The following GC variants were observed in gnomAD, a reference collection of about 807,000 sequenced individuals.
The protein encoded by GC is vitamin D-binding protein.
A neutral mutation model predicts 56.7 loss-of-function variants in GC; 43 were observed. The ratio of observed to expected loss-of-function variants is 0.76; its 90% CI spans 0.59 to 0.98. The LOEUF (loss-of-function observed/expected upper bound fraction) is 0.98. Ranked by LOEUF, GC falls within the 50% of genes least tolerant of loss-of-function variation. The pLI, the probability that GC is intolerant of heterozygous loss-of-function variation, is 0.00. For synonymous variants in GC, 216 were observed against 202.7 expected (o/e 1.07, Z -0.56); for missense variants, 529 against 545.9 (o/e 0.97, Z 0.31).
intron 1 of GC, among the ~76,000 whole-genome samples, chr4:71,790,523 AT>A (rs1332151617): frequency 1.3e-5 from 2 of 150,538 alleles, no homozygotes; most frequent in Non-Finnish European, 3.0e-5. Context: ...CATTCTGATT[AT>A]TTTTTCATAT....
At chr4:71,766,649 G>A (rs548658594) in intron 3 of GC, among the ~76,000 whole-genome samples, 63 of 152,154 alleles carry the variant, frequency 4.1e-4, no homozygotes, top group African/African-American at 1.3e-3. Context: ...GAATGGCAAC[G>A]TGATGAATTA....
chr4:71,784,191 T>A, upstream of GC: 1 of 1,308,646 alleles, frequency 7.6e-7, no homozygotes, highest in East Asian at 3.0e-5. Flanking sequence ...AAGGGGCTGT[T>A]ATCTTTGGCC....
chr4:71,744,197 C>T (rs1229739699), intron 12 of GC, among the ~76,000 whole-genome samples: 2 of 151,244 alleles, frequency 1.3e-5, no homozygotes, highest in African/African-American at 4.9e-5. Context: ...AATCCCAGCA[C>T]TTCAGGAGGC....
chr4:71,771,082 T>G (rs1412565103), intron 1 of GC, among the ~76,000 whole-genome samples: 1 of 152,186 alleles, frequency 6.6e-6, no homozygotes, highest in Non-Finnish European at 1.5e-5. Flanking sequence ...ATGTAGGAAG[T>G]ATATAAATTG....
intron 1 of GC, among the ~76,000 whole-genome samples, chr4:71,772,535 G>A (rs1363979128): frequency 6.6e-6 from 1 of 152,144 alleles, no homozygotes; most frequent in African/African-American, 2.4e-5. Flanking sequence ...GGCACTGCAT[G>A]TTATCCCATT....
At chr4:71,765,334 T>G in intron 4 of GC, 98 bp downstream of exon 4, 1 of 905,542 alleles carries the variant, frequency 1.1e-6, no homozygotes, top group Non-Finnish European at 1.8e-6. Context: ...TTTGTTCAGG[T>G]TGCTGTAGAA....
At chr4:71,762,793 TC>T (rs1310351267) in intron 6 of GC, among the ~76,000 whole-genome samples, 2 of 152,166 alleles carry the variant, frequency 1.3e-5, no homozygotes, top group Non-Finnish European at 2.9e-5. Flanking sequence ...TGTGACTTGC[TC>T]CTCCTTGCCT....
upstream of GC, among the ~76,000 whole-genome samples, chr4:71,784,532 T>C (rs1261281007): frequency 6.6e-6 from 1 of 151,764 alleles, no homozygotes; most frequent in Non-Finnish European, 1.5e-5. Context: ...AGACCAGATG[T>C]TCTAAGTAAA....
At chr4:71,788,338 A>C (rs911099326), upstream of GC, among the ~76,000 whole-genome samples, 3 of 152,022 alleles carry the variant, frequency 2.0e-5, no homozygotes, top group East Asian at 5.8e-4. Flanking sequence ...CGGTTATAGA[A>C]ATATATTCCA....
chr4:71,747,964 A>G (rs1025284163), intron 11 of GC, among the ~76,000 whole-genome samples: 4 of 152,200 alleles, frequency 2.6e-5, no homozygotes, highest in African/African-American at 9.6e-5. Flanking sequence ...TTCAGTCAAT[A>G]GTCTTCTATC....
At chr4:71,763,767 A>G in intron 5 of GC, 37 bp downstream of exon 5, 3 of 1,551,002 alleles carry the variant, frequency 1.9e-6, no homozygotes, top group Non-Finnish European at 2.6e-6. Flanking sequence ...ATTAGAAGAA[A>G]AAAACGTAAA....
Position 71,756,836 on chromosome 4 carries a change from T to G in GC, c.910A>C (p.Thr304Pro). ...GTGCACACAAAAACGTCCATGGCTGTTTTTTCTTGACAACAGTCTTCAAAC... is the reference window on the plus strand; with the variant it reads ...GTGCACACAAAAACGTCCATGGCTGGTTTTTCTTGACAACAGTCTTCAAAC... ...SKFEDCCQEK[T>P]AMDVFVCTYF... The change falls in exon 8 of 13, where the codon ACA (threonine) becomes CCA (proline). Residue 304 changes from threonine (T) to proline (P), a missense_variant. Transcript: ENST00000273951. 1.2e-6 allele frequency: 2 copies of G among 1,613,404 alleles called. No homozygotes were observed.
Position 71,783,107 on chromosome 4 carries a change from C to G in GC, c.58+854G>C, listed in dbSNP as rs142811437. ...GGGAACACACATTTTATTCCACTGG[C>G]AAAACACATTACTATTATGAATAAT... On this transcript the variant is annotated intron_variant, in intron 1 of 12. Coordinates refer to ENST00000273951, the MANE Select transcript of GC (RefSeq NM_000583.4). Among the ~76,000 whole-genome samples, 477 of 151,810 alleles carry G rather than the reference C, an allele frequency of 3.1e-3. 1 individual carries two copies. Among genetic ancestry groups the G allele is most frequent in the Middle Eastern group, 0.01 (3 of 294 alleles).
At chr4:71,791,332 G>A (rs1742963106) in intron 1 of GC, among the ~76,000 whole-genome samples, 1 of 152,126 alleles carries the variant, frequency 6.6e-6, no homozygotes, top group Non-Finnish European at 1.5e-5. Flanking sequence ...GGAGTTGACA[G>A]TTATTCTTTT....
intron 8 of GC, among the ~76,000 whole-genome samples, chr4:71,755,749 AG>A (rs1398936990): frequency 6.6e-6 from 1 of 152,232 alleles, no homozygotes; most frequent in Non-Finnish European, 1.5e-5. Context: ...CTCTGTATAA[AG>A]CATCAAGTGG....
upstream of GC, chr4:71,804,138 G>A (rs1743310166): frequency 8.2e-6 from 5 of 606,422 alleles, no homozygotes; most frequent in Non-Finnish European, 1.2e-5. Flanking sequence ...GACCCTGGCT[G>A]AGCAATGGAT....
intron 1 of GC, among the ~76,000 whole-genome samples, chr4:71,795,447 A>G (rs1743074173): frequency 6.6e-6 from 1 of 152,110 alleles, no homozygotes; most frequent in Non-Finnish European, 1.5e-5. Context: ...TTATTGGTTT[A>G]AAATCTGTTT....
At chr4:71,762,281 TG>T (rs1560697368) in intron 6 of GC, among the ~76,000 whole-genome samples, 1 of 152,234 alleles carries the variant, frequency 6.6e-6, no homozygotes, top group African/African-American at 2.4e-5. Flanking sequence ...TGAACTTGCA[TG>T]GGGCCTGTAG....
chr4:71,770,899 G>A (rs1392311809), intron 1 of GC, among the ~76,000 whole-genome samples: 3 of 152,122 alleles, frequency 2.0e-5, no homozygotes, highest in Non-Finnish European at 4.4e-5. Flanking sequence ...GTTCATTCAC[G>A]CTACAGGGAA....
Sources: gnomAD v4.1 joint callset for allele counts (sites outside exome capture counted in the v4.1 genomes callset) on GRCh38, gnomAD v4.1.1 for gene constraint, MANE v1.5 for transcripts, NCBI Gene and HGNC (gene_info 2026-07-23, HGNC 2026-07-21) for gene names.